The following LTBP1 variants were observed in gnomAD, a reference collection of about 807,000 sequenced individuals.
The protein encoded by LTBP1 is latent-transforming growth factor beta-binding protein 1.
In LTBP1, 129 loss-of-function variants were observed where a neutral mutation model predicts 207.6. The observed-to-expected ratio is 0.62, with a 90% CI of 0.54 to 0.72. LTBP1 has a LOEUF of 0.72. LTBP1 is among the 30% of genes least tolerant of loss of function. The pLI, the probability that LTBP1 is intolerant of heterozygous loss-of-function variation, is 0.00. For missense variants in LTBP1, 2,281 were observed against 2,217.2 expected (o/e 1.03, Z -0.58); for synonymous variants, 963 against 833.7 (o/e 1.16, Z -2.67).
intron 31 of LTBP1, among the ~76,000 whole-genome samples, chr2:33,377,435 ACTT>A (rs2095154464): frequency 6.6e-6 from 1 of 152,160 alleles, no homozygotes; most frequent in African/African-American, 2.4e-5. Context: ...CTGAAATTTT[ACTT>A]CTTGTACAGC....
chr2:33,383,894 T>C (rs1335771490), intron 31 of LTBP1, among the ~76,000 whole-genome samples: 2 of 152,208 alleles, frequency 1.3e-5, no homozygotes, highest in Admixed American at 6.5e-5. Flanking sequence ...TATTTGAAAA[T>C]AACACAGTTC....
intron 4 of LTBP1, among the ~76,000 whole-genome samples, chr2:33,118,665 G>A (rs2080917884): frequency 6.6e-6 from 1 of 152,220 alleles, no homozygotes; most frequent in Non-Finnish European, 1.5e-5. Flanking sequence ...TGGATGAACA[G>A]GGTTCTGCTG....
intron 9 of LTBP1, among the ~76,000 whole-genome samples, chr2:33,230,922 G>A (rs2091749551): frequency 6.6e-6 from 1 of 150,494 alleles, no homozygotes; most frequent in African/African-American, 2.5e-5. Context: ...CAGTACCTCA[G>A]TACGTGCTGA....
chr2:33,079,569 T>C (rs560307276), intron 3 of LTBP1, among the ~76,000 whole-genome samples: 2 of 152,340 alleles, frequency 1.3e-5, no homozygotes, highest in South Asian at 4.1e-4. Flanking sequence ...TGATAAGATC[T>C]GAACCTTCTG....
intron 2 of LTBP1, among the ~76,000 whole-genome samples, chr2:32,967,493 C>A (rs1680184198): frequency 1.3e-5 from 2 of 152,106 alleles, no homozygotes; most frequent in African/African-American, 4.8e-5. Flanking sequence ...TTCACTGTAT[C>A]CTGCAAATTC....
At chr2:33,301,713 G>A in intron 22 of LTBP1, 69 bp downstream of exon 22, 1 of 1,379,760 alleles carries the variant, frequency 7.2e-7, no homozygotes, top group Non-Finnish European at 9.7e-7. Context: ...CATCATCTCA[G>A]CCTTGATCTT....
intron 4 of LTBP1, among the ~76,000 whole-genome samples, chr2:33,132,655 G>C (rs998767552): frequency 1.3e-5 from 2 of 152,168 alleles, no homozygotes; most frequent in African/African-American, 4.8e-5. Flanking sequence ...TGGCCACTAG[G>C]ACATCTTGCC....
chr2:33,217,424 T>G, intron 7 of LTBP1, 128 bp from the exon 8 acceptor site: 1 of 551,124 alleles, frequency 1.8e-6, no homozygotes, highest in Middle Eastern at 4.5e-4. Context: ...TTTTATAGTT[T>G]TTTTCCTTTC....
chr2:33,337,213 T>G (rs923345161), intron 24 of LTBP1, among the ~76,000 whole-genome samples: 1 of 152,192 alleles, frequency 6.6e-6, no homozygotes, highest in African/African-American at 2.4e-5. Context: ...GTATGTAGAC[T>G]CCCTGAATGC....
At chr2:33,332,871 A>G (rs939583723) in intron 24 of LTBP1, 5 of 152,262 alleles carry the variant, frequency 3.3e-5, no homozygotes, top group Non-Finnish European at 5.9e-5. Context: ...GGAAAAGGCC[A>G]TGCCTGGTTC....
rs976681681 is a variant in LTBP1, at chr2:33,088,584, G to C, written c.864-21998G>C. On this transcript the variant is annotated intron_variant, in intron 3 of 33. Coordinates refer to ENST00000404816, the MANE Select transcript of LTBP1 (RefSeq NM_206943.4). ...CGCTCTGTTTGGAAATGTATCCCTA[G>C]ACTGTAAGCTTCATGAGGGTAAGGT... Among the ~76,000 whole-genome samples the C allele has an allele frequency of 3.3e-5, 5 of 152,286 alleles. No individual in the cohort carries two copies. In the South Asian group the frequency reaches 8.3e-4, roughly 25 times the overall value.
intron 9 of LTBP1, among the ~76,000 whole-genome samples, chr2:33,225,215 G>A (rs1413503235): frequency 2.0e-5 from 3 of 152,156 alleles, no homozygotes. Flanking sequence ...TCAGATCAAG[G>A]TATTTAGCAA....
At chr2:33,075,274 C>A (rs113956249) in intron 3 of LTBP1, among the ~76,000 whole-genome samples, 184 of 152,254 alleles carry the variant, frequency 1.2e-3, no homozygotes, top group African/African-American at 4.0e-3. Flanking sequence ...TGTGTATGAT[C>A]CTCACATTGC....
rs2094650439 is a variant in LTBP1, at chr2:33,343,077, G to C, written c.3856+114G>C. 5 of 1,228,416 alleles carry C rather than the reference G, an allele frequency of 4.1e-6. No homozygotes were observed. The Admixed American group carries it at 1.1e-4, about 28-fold the overall frequency. The allele number at this position is 1,228,416 out of a possible 1,614,324, so 76.1% of individuals were successfully genotyped here. The stretch of plus-strand genomic sequence containing the variant: ...TTTGGGTAGAGCTTTATCGTAATTT[G>C]ATTTTGTCATACAATTTGAGGATGT... On this transcript the variant is annotated intron_variant, in intron 25 of 33. Coordinates refer to ENST00000404816, the MANE Select transcript of LTBP1 (RefSeq NM_206943.4).
At chr2:33,250,816 C>G (rs541054295) in intron 10 of LTBP1, among the ~76,000 whole-genome samples, 1 of 152,152 alleles carries the variant, frequency 6.6e-6, no homozygotes, top group Non-Finnish European at 1.5e-5. Context: ...GCCCACCCAA[C>G]GTACCACTAC....
At chr2:33,106,665 T>A (rs551615606) in intron 3 of LTBP1, among the ~76,000 whole-genome samples, 2 of 152,146 alleles carry the variant, frequency 1.3e-5, no homozygotes, top group African/African-American at 4.8e-5. Flanking sequence ...TTAAAATATT[T>A]AGTAAACCAT....
At chr2:33,314,797 G>A (rs1046258343) in intron 23 of LTBP1, among the ~76,000 whole-genome samples, 1 of 152,156 alleles carries the variant, frequency 6.6e-6, no homozygotes, top group African/African-American at 2.4e-5. Context: ...AATGGGAGAG[G>A]GCAAAGAAGG....
chr2:33,334,476 C>A (rs903827316), intron 24 of LTBP1, among the ~76,000 whole-genome samples: 1 of 152,020 alleles, frequency 6.6e-6, no homozygotes, highest in Admixed American at 6.6e-5. Flanking sequence ...TGCAGGAATT[C>A]GAGTGAAAGA....
intron 3 of LTBP1, among the ~76,000 whole-genome samples, chr2:33,077,056 T>C (rs990115514): frequency 6.6e-6 from 1 of 152,168 alleles, no homozygotes; most frequent in Non-Finnish European, 1.5e-5. Context: ...ATATTGCTGT[T>C]TTATAGGGAA....
Sources: gnomAD v4.1 joint callset for allele counts (sites outside exome capture counted in the v4.1 genomes callset) on GRCh38, gnomAD v4.1.1 for gene constraint, MANE v1.5 for transcripts, NCBI Gene and HGNC (gene_info 2026-07-23, HGNC 2026-07-21) for gene names.